ADARB2: variants seen among roughly 807,000 people sequenced by gnomAD.
ADARB2 encodes inactive double-stranded RNA-specific editase B2.
Under a neutral mutation model 62.2 loss-of-function variants are expected in ADARB2, and 25 were observed. The ratio of observed to expected loss-of-function variants is 0.40; its 90% confidence interval spans 0.29 to 0.56. ADARB2 has a LOEUF of 0.56. Among genes scored for constraint, ADARB2 ranks in the 20% least tolerant of loss-of-function variants. The pLI is 0.43. For synonymous variants in ADARB2, 572 were observed against 500.8 expected (o/e 1.14, Z -1.90); for missense variants, 1,071 against 1,077.4 (o/e 0.99, Z 0.08).
intron 1 of ADARB2, among the ~76,000 whole-genome samples, chr10:1,671,596 C>T (rs984734146): frequency 6.6e-6 from 1 of 152,184 alleles, no homozygotes; most frequent in African/African-American, 2.4e-5. Flanking sequence ...CCTCGTGCTT[C>T]TCTGGATTCT....
intron 3 of ADARB2, among the ~76,000 whole-genome samples, chr10:1,285,720 T>C (rs1350863031): frequency 6.6e-6 from 1 of 152,228 alleles, no homozygotes; most frequent in Non-Finnish European, 1.5e-5. Context: ...CCAGCATTAT[T>C]CACATTGGAA....
At chr10:1,267,318 A>G (rs997671033) in intron 4 of ADARB2, among the ~76,000 whole-genome samples, 1 of 152,226 alleles carries the variant, frequency 6.6e-6, no homozygotes, top group Non-Finnish European at 1.5e-5. Context: ...ACGGATGACA[A>G]GCAAATCAAG....
intron 1 of ADARB2, among the ~76,000 whole-genome samples, chr10:1,590,957 G>A (rs1049365412): frequency 2.0e-5 from 3 of 152,222 alleles, no homozygotes; most frequent in Non-Finnish European, 4.4e-5. Flanking sequence ...GTGCTACTGA[G>A]CACAGATGTG....
At chr10:1,463,604 A>G (rs1277662181) in intron 1 of ADARB2, among the ~76,000 whole-genome samples, 1 of 152,228 alleles carries the variant, frequency 6.6e-6, no homozygotes, top group African/African-American at 2.4e-5. Context: ...TTTATTTTTC[A>G]TAATAGACCC....
intron 1 of ADARB2, among the ~76,000 whole-genome samples, chr10:1,509,619 A>G (rs10508210): frequency 0.021 from 3,150 of 152,334 alleles, 112 homozygotes; most frequent in African/African-American, 0.071. Flanking sequence ...TAATAAATTC[A>G]TTGACTCACA....
chr10:1,222,697 G>C (rs61832006), intron 6 of ADARB2, among the ~76,000 whole-genome samples: 39 of 149,046 alleles, frequency 2.6e-4, no homozygotes, highest in Admixed American at 1.1e-3. Flanking sequence ...GCTTGTTTTT[G>C]TCAGGTTTGT....
At chr10:1,647,130 C>T (rs1474198156) in intron 1 of ADARB2, among the ~76,000 whole-genome samples, 2 of 152,262 alleles carry the variant, frequency 1.3e-5, no homozygotes, top group Non-Finnish European at 2.9e-5. Flanking sequence ...AGATGCATTA[C>T]TGCAGAGACC....
chr10:1,325,142 G>T (rs552055879), intron 3 of ADARB2, among the ~76,000 whole-genome samples: 1 of 152,312 alleles, frequency 6.6e-6, no homozygotes, highest in African/African-American at 2.4e-5. Context: ...TGCTCCACAT[G>T]CTGCTCAGGG....
chr10:1,652,153 C>T (rs559635596), intron 1 of ADARB2, among the ~76,000 whole-genome samples: 41 of 152,322 alleles, frequency 2.7e-4, no homozygotes, highest in South Asian at 2.3e-3. Flanking sequence ...AAAAGCAAAG[C>T]GGGTCTGTCC....
intron 1 of ADARB2, among the ~76,000 whole-genome samples, chr10:1,728,474 C>T (rs763315193): frequency 1.3e-5 from 2 of 152,290 alleles, no homozygotes; most frequent in Admixed American, 6.5e-5. Context: ...TGAATAAACG[C>T]TTTTGTGCTT....
At chr10:1,218,437 T>C (rs962134886) in intron 6 of ADARB2, among the ~76,000 whole-genome samples, 20 of 152,230 alleles carry the variant, frequency 1.3e-4, no homozygotes, top group African/African-American at 4.1e-4. Flanking sequence ...AATAGTATAG[T>C]GATTATATCA....
At chr10:1,505,256 G>C (rs1831827827) in intron 1 of ADARB2, among the ~76,000 whole-genome samples, 1 of 152,162 alleles carries the variant, frequency 6.6e-6, no homozygotes, top group Non-Finnish European at 1.5e-5. Flanking sequence ...CAGCCTCACT[G>C]TGTGCCTCGC....
chr10:1,489,763 A>G (rs1471520746), intron 1 of ADARB2, among the ~76,000 whole-genome samples: 2 of 152,164 alleles, frequency 1.3e-5, no homozygotes, highest in African/African-American at 4.8e-5. Flanking sequence ...GGAAGAAGAG[A>G]CTCCAACACA....
intron 2 of ADARB2, among the ~76,000 whole-genome samples, chr10:1,372,579 G>A (rs926418211): frequency 6.6e-6 from 1 of 152,218 alleles, no homozygotes; most frequent in Non-Finnish European, 1.5e-5. Context: ...TTGAGGGCAT[G>A]AAGAGGGAGG....
chr10:1,214,250 C>T (rs953587974), intron 7 of ADARB2, among the ~76,000 whole-genome samples: 4 of 150,036 alleles, frequency 2.7e-5, no homozygotes, highest in Non-Finnish European at 5.9e-5. Context: ...CTGGACCTGC[C>T]AGCGTTGCAT....
intron 3 of ADARB2, among the ~76,000 whole-genome samples, chr10:1,347,158 G>A (rs896019639): frequency 2.0e-5 from 3 of 152,156 alleles, no homozygotes; most frequent in South Asian, 2.1e-4. Context: ...AGCCCCGCAC[G>A]CCAGCCCTCA....
chr10:1,346,350 C>T (rs538367710), intron 3 of ADARB2, among the ~76,000 whole-genome samples: 3 of 152,282 alleles, frequency 2.0e-5, no homozygotes, highest in East Asian at 1.9e-4. Context: ...CCGCGAGAAC[C>T]CCTCAGCCCC....
At chr10:1,602,572 CCTGG>C (rs1437333339) in intron 1 of ADARB2, among the ~76,000 whole-genome samples, 2 of 152,188 alleles carry the variant, frequency 1.3e-5, no homozygotes, top group African/African-American at 2.4e-5. Context: ...GAGAGGCTAT[CCTGG>C]CTATTTCCTC....
intron 3 of ADARB2, among the ~76,000 whole-genome samples, chr10:1,344,586 C>G (rs1475437950): frequency 6.6e-6 from 1 of 152,212 alleles, no homozygotes; most frequent in Non-Finnish European, 1.5e-5. Context: ...GGAGGCCGAC[C>G]CCAGCACCCT....
Sources: allele counts gnomAD v4.1 joint callset (sites outside exome capture counted in the v4.1 genomes callset), GRCh38; gene constraint gnomAD v4.1.1; transcripts MANE v1.5; gene names NCBI Gene and HGNC (gene_info 2026-07-23, HGNC 2026-07-21).